ZNF624: variants seen among roughly 807,000 people sequenced by gnomAD.
ZNF624 encodes the protein zinc finger protein 624.
Under a neutral mutation model 74.7 loss-of-function variants are expected in ZNF624, and 43 were observed. That is an observed-to-expected ratio of 0.58 (90% CI 0.45 to 0.74). The LOEUF (loss-of-function observed/expected upper bound fraction) is 0.74. Among genes scored for constraint, ZNF624 ranks in the 30% least tolerant of loss-of-function variants. ZNF624 has a pLI of 0.00. For missense variants in ZNF624, 820 were observed against 1,030.0 expected, an observed-to-expected ratio of 0.80 and a Z score of 2.79; for synonymous variants, 331 against 341.3, an observed-to-expected ratio of 0.97 and a Z score of 0.33.
At chr17:16,639,038 T>C (rs761060533) in intron 3 of ZNF624, among the ~76,000 whole-genome samples, 1 of 152,008 alleles carries the variant, frequency 6.6e-6, no homozygotes. Context: ...GGCACAGAGA[T>C]GTTAGATGTC....
At chr17:16,617,854 T>G, downstream of ZNF624, 1 of 1,610,368 alleles carries the variant, frequency 6.2e-7, no homozygotes. Context: ...ACGTTGTAGC[T>G]TAGGCGTCCT....
At position 16,623,150 on chromosome 17, in the gene ZNF624, G is replaced by A; in HGVS notation, c.1736C>T (p.Thr579Ile). The A allele has an allele frequency of 6.2e-7, 1 of 1,613,952 alleles. No homozygotes were observed. Among genetic ancestry groups the A allele is most frequent in the Non-Finnish European group, 8.5e-7 (1 of 1,179,964 alleles). The change falls in exon 6 of 6, where the codon ACT (threonine) becomes ATT (isoleucine). Residue 579 changes from threonine to isoleucine, a missense_variant. Thr to Ile is a moderately conservative substitution (Grantham distance 89, BLOSUM62 -1). Transcript: ENST00000311331. This position sits in a 1 kb window ranked among gnomAD's most constrained non-coding sequence, Gnocchi z 5.3. ...SSLIIHQRIH[T>I]EEKPYLCNEC... ...ATTGCACAGATAAGGTTTCTCTTCA[G>A]TATGAATACGCTGATGTATAATTAG...
At chr17:16,648,476 C>T (rs567782445) in intron 2 of ZNF624, among the ~76,000 whole-genome samples, 2 of 152,292 alleles carry the variant, frequency 1.3e-5, no homozygotes, top group Admixed American at 6.5e-5. Flanking sequence ...CTGATAGAGA[C>T]GGGTTGATCC....
intron 5 of ZNF624, among the ~76,000 whole-genome samples, chr17:16,627,114 T>G (rs934581747): frequency 6.6e-6 from 1 of 151,724 alleles, no homozygotes; most frequent in African/African-American, 2.4e-5. Flanking sequence ...ATAGCACCAA[T>G]TTGGAATTCA....
chr17:16,649,576 T>C (rs1002603644), intron 2 of ZNF624, 82 bp downstream of exon 2: 18 of 1,266,692 alleles, frequency 1.4e-5, no homozygotes, highest in Admixed American at 1.2e-4. Flanking sequence ...TCGGGGGAAG[T>C]AGAGAAGTCG....
intron 1 of ZNF624, among the ~76,000 whole-genome samples, chr17:16,649,978 T>C (rs1909682826): frequency 6.6e-6 from 1 of 152,220 alleles, no homozygotes; most frequent in East Asian, 1.9e-4. Flanking sequence ...TTTAAAATAC[T>C]TTCTCATTTT....
downstream of ZNF624, among the ~76,000 whole-genome samples, chr17:16,618,391 G>A (rs1415959150): frequency 1.3e-5 from 2 of 149,366 alleles, no homozygotes; most frequent in Non-Finnish European, 2.9e-5. Context: ...AATACTCATA[G>A]ATTAAATGTC....
At chr17:16,645,570 A>C (rs1569048106) in intron 3 of ZNF624, among the ~76,000 whole-genome samples, 1 of 151,848 alleles carries the variant, frequency 6.6e-6, no homozygotes, top group African/African-American at 2.4e-5. Flanking sequence ...GTACTAAAAA[A>C]CATGTACCTG....
chr17:16,635,291 G>A (rs1909301570), intron 3 of ZNF624, among the ~76,000 whole-genome samples: 1 of 152,020 alleles, frequency 6.6e-6, no homozygotes, highest in Admixed American at 6.5e-5. Flanking sequence ...AGGAACTTTG[G>A]GTAAGTTCTT....
chr17:16,650,619 C>T (rs1482913669), intron 1 of ZNF624, among the ~76,000 whole-genome samples: 1 of 152,070 alleles, frequency 6.6e-6, no homozygotes, highest in African/African-American at 2.4e-5. Context: ...CTTGCTGAGG[C>T]TGAGTTTGGT....
At chr17:16,619,993 A>G (rs761060248), downstream of ZNF624, among the ~76,000 whole-genome samples, 1 of 152,182 alleles carries the variant, frequency 6.6e-6, no homozygotes, top group African/African-American at 2.4e-5. Context: ...AGTAATAGTT[A>G]ATGTTTCACT....
intron 3 of ZNF624, among the ~76,000 whole-genome samples, chr17:16,643,059 T>C (rs1246388282): frequency 2.0e-5 from 3 of 152,210 alleles, no homozygotes; most frequent in Admixed American, 1.3e-4. Context: ...ACTGCAACAC[T>C]CATACGTTGC....
At chr17:16,640,540 G>A (rs1909443400) in intron 3 of ZNF624, among the ~76,000 whole-genome samples, 1 of 151,830 alleles carries the variant, frequency 6.6e-6, no homozygotes, top group African/African-American at 2.4e-5. Context: ...AAAGAGAGAA[G>A]ACACAAATTA....
rs1283131926 is a variant in ZNF624, at chr17:16,623,816, T to C, written c.1070A>G (p.Glu357Gly). The change falls in exon 6 of 6, where the codon GAG (glutamate) becomes GGG (glycine). Residue 357 changes from glutamate to glycine, a missense_variant. Transcript: ENST00000311331. The surrounding 1 kb of genome is among the most constrained non-coding windows in gnomAD (Gnocchi z 5.3). ...LMVHQRIHTK[E>G]KPYQCNVCGK... ...ACACACATTACACTGATAAGGTTTC[T>C]CTTTAGTGTGAATTCTCTGATGTAC... 6.2e-7 allele frequency: 1 copy of C among 1,614,066 alleles called. No individual in the cohort carries two copies. Among genetic ancestry groups the C allele is most frequent in the Non-Finnish European group, 8.5e-7 (1 of 1,180,018 alleles).
intron 5 of ZNF624, chr17:16,624,804 C>T (rs1388407809): frequency 4.9e-5 from 8 of 162,434 alleles, no homozygotes; most frequent in South Asian, 1.4e-4. Context: ...ATTGCTTGAG[C>T]TTAGGAGTTC....
intron 5 of ZNF624, among the ~76,000 whole-genome samples, chr17:16,628,836 T>G (rs938902950): frequency 6.7e-6 from 1 of 150,046 alleles, no homozygotes; most frequent in African/African-American, 2.4e-5. Context: ...ATGAGAAATA[T>G]GAAGAAAACT....
downstream of ZNF624, chr17:16,617,530 G>T (rs1908814325): frequency 6.3e-7 from 1 of 1,583,566 alleles, no homozygotes; most frequent in Admixed American, 1.7e-5. Context: ...GCACAGACTA[G>T]AAAGATTTTC....
intron 5 of ZNF624, 95 bp downstream of exon 5, chr17:16,633,767 T>C: frequency 2.0e-6 from 2 of 993,688 alleles, no homozygotes; most frequent in South Asian, 3.1e-5. Flanking sequence ...GTTGAACAAA[T>C]ATATCTTCAA....
downstream of ZNF624, among the ~76,000 whole-genome samples, chr17:16,618,693 C>T (rs1211575912): frequency 6.6e-6 from 1 of 152,164 alleles, no homozygotes; most frequent in Non-Finnish European, 1.5e-5. Flanking sequence ...CGTCTTCCAC[C>T]TTAGCCTGCT....
Sources: allele counts gnomAD v4.1 joint callset (sites outside exome capture counted in the v4.1 genomes callset), GRCh38; gene constraint gnomAD v4.1.1; non-coding constraint Gnocchi (gnomAD v3.1); transcripts MANE v1.5; gene names NCBI Gene and HGNC (gene_info 2026-07-23, HGNC 2026-07-21).